The following SNRPC variants were observed in gnomAD, a reference collection of about 807,000 sequenced individuals.
The protein encoded by SNRPC is small nuclear ribonucleoprotein polypeptide C, also known as U1 small nuclear ribonucleoprotein C.
SNRPC carries 5 observed loss-of-function variants against 20.0 expected under a neutral mutation model. The observed-to-expected ratio is 0.25, with a 90% CI of 0.13 to 0.53. The LOEUF is 0.53. SNRPC is among the 20% of genes least tolerant of loss of function. The pLI, the probability that SNRPC is intolerant of heterozygous loss-of-function variation, is 0.96. For missense variants in SNRPC, 112 were observed against 224.1 expected, an observed-to-expected ratio of 0.50 and a Z score of 3.19; for synonymous variants, 61 against 58.7, an observed-to-expected ratio of 1.04 and a Z score of -0.18.
In SNRPC at chr6:34,767,901, T is replaced by TCATCA; in HGVS notation, c.161-6_161-5insATCAC. On this transcript the variant is annotated splice_polypyrimidine_tract_variant and splice_region_variant and intron_variant, in intron 3 of 5. Coordinates refer to ENST00000244520, the MANE Select transcript of SNRPC (RefSeq NM_003093.3). ...TTTTTTTTTTTTTTTTTCCTCACCC[T>TCATCA]CCAAAGCGGCTGCATTTCAACAAGG... The TCATCA allele has an allele frequency of 1.2e-5, 16 of 1,387,872 alleles. No individual in the cohort carries two copies. The highest frequency in any genetic ancestry group is 3.5e-5 in the African/African-American group (2 of 56,614). The allele number at this position is 1,387,872 out of a possible 1,614,324, so 86.0% of individuals were successfully genotyped here. A position where few individuals can be genotyped will look rare whatever the true frequency, so the allele number is the denominator to read the frequency against.
intron 2 of SNRPC, among the ~76,000 whole-genome samples, chr6:34,762,391 G>T (rs1764549589): frequency 6.6e-6 from 1 of 151,996 alleles, no homozygotes; most frequent in South Asian, 2.1e-4. Context: ...TGGCCAATGG[G>T]GCATAGTTTG....
chr6:34,764,201 C>T (rs1317154266), intron 3 of SNRPC, among the ~76,000 whole-genome samples: 8 of 151,372 alleles, frequency 5.3e-5, no homozygotes, highest in Non-Finnish European at 1.0e-4. Flanking sequence ...AAAAATTGGC[C>T]GGGCGTGGTG....
chr6:34,758,380 A>G (rs1281005299), intron 2 of SNRPC, among the ~76,000 whole-genome samples: 4 of 152,024 alleles, frequency 2.6e-5, no homozygotes, highest in Admixed American at 6.6e-5. Flanking sequence ...CAGTGGTGCA[A>G]TCTCGGCTCA....
At chr6:34,767,192 C>T (rs1043807171) in intron 3 of SNRPC, among the ~76,000 whole-genome samples, 2 of 152,174 alleles carry the variant, frequency 1.3e-5, no homozygotes, top group East Asian at 1.9e-4. Flanking sequence ...GGACAGCATA[C>T]ATAGGAAGGA....
chr6:34,762,044 G>A (rs1000041439), intron 2 of SNRPC, among the ~76,000 whole-genome samples: 2 of 152,072 alleles, frequency 1.3e-5, no homozygotes, highest in African/African-American at 4.8e-5. Context: ...GCTCACACCT[G>A]TAATCTCACA....
chr6:34,769,381 T>G (rs1249056717), intron 4 of SNRPC, among the ~76,000 whole-genome samples: 1 of 151,888 alleles, frequency 6.6e-6, no homozygotes, highest in Non-Finnish European at 1.5e-5. Flanking sequence ...TTAGTAGAGA[T>G]GGGGTTTTGC....
At chr6:34,764,280 A>C (rs1394380530) in intron 3 of SNRPC, among the ~76,000 whole-genome samples, 1 of 150,572 alleles carries the variant, frequency 6.6e-6, no homozygotes, top group Non-Finnish European at 1.5e-5. Context: ...AGGAGTTCGA[A>C]ACCAGCCTCA....
chr6:34,757,742 A>G (rs1764472785), intron 1 of SNRPC, 170 bp from the exon 2 acceptor site: 2 of 1,528,592 alleles, frequency 1.3e-6, no homozygotes, highest in Non-Finnish European at 1.8e-6. Context: ...GCTTAAGGCA[A>G]CAAAAAAAAG....
At position 34,763,005 on chromosome 6, in the gene SNRPC, A is replaced by G. The variant is rs553383131; in HGVS notation, c.160+302A>G. Among the ~76,000 whole-genome samples the G allele has an allele frequency of 3.3e-5, 5 of 152,324 alleles. No individual in the cohort carries two copies. The East Asian group carries it at 5.8e-4, about 18-fold the overall frequency. On this transcript the variant is annotated intron_variant, in intron 3 of 5. Transcript: ENST00000244520. The stretch of plus-strand genomic sequence containing the variant: ...ACGAGATTTTGTAGCAAATTTCTAT[A>G]AAGCCCCTTTGTAGTAATCCACAGG...
intron 4 of SNRPC, among the ~76,000 whole-genome samples, chr6:34,770,082 C>T (rs187971665): frequency 1.3e-5 from 2 of 152,268 alleles, no homozygotes; most frequent in African/African-American, 2.4e-5. Context: ...ATTAGCTGGG[C>T]GTGGTGGCAC....
At chr6:34,760,674 G>C (rs1196371743) in intron 2 of SNRPC, among the ~76,000 whole-genome samples, 1 of 151,960 alleles carries the variant, frequency 6.6e-6, no homozygotes, top group Non-Finnish European at 1.5e-5. Flanking sequence ...ATGAACCCTT[G>C]TTCCTTCTAA....
chr6:34,757,599 GC>G, intron 1 of SNRPC, 48 bp downstream of exon 1: 2 of 1,594,030 alleles, frequency 1.3e-6, no homozygotes, highest in Non-Finnish European at 1.7e-6. Flanking sequence ...ACTAGTTGTG[GC>G]CCCCATGCAG....
chr6:34,765,008 G>A (rs1023319645), intron 3 of SNRPC, among the ~76,000 whole-genome samples: 1 of 151,886 alleles, frequency 6.6e-6, no homozygotes, highest in Admixed American at 6.6e-5. Flanking sequence ...GCAACAGAGC[G>A]AGACTCTGTC....
intron 3 of SNRPC, among the ~76,000 whole-genome samples, chr6:34,766,561 T>C (rs1213456652): frequency 1.3e-5 from 2 of 152,186 alleles, no homozygotes; most frequent in African/African-American, 4.8e-5. Flanking sequence ...GTGGAGGACT[T>C]TTTGAGAATG....
chr6:34,772,450 TTC>T (rs1764703212), intron 5 of SNRPC, among the ~76,000 whole-genome samples: 1 of 152,226 alleles, frequency 6.6e-6, no homozygotes, highest in Admixed American at 6.5e-5. Context: ...GTTAGTAGTA[TTC>T]TCTGTTCCTG....
intron 5 of SNRPC, among the ~76,000 whole-genome samples, chr6:34,771,349 A>AAGG (rs1554122597): frequency 7.1e-6 from 1 of 140,880 alleles, no homozygotes; most frequent in African/African-American, 2.7e-5. Context: ...AAAAAAAAAA[A>AAGG]GTGTGTCTAA....
At chr6:34,765,953 CTGGTCTTGAACTCCTGGCCTCAAGCA>C (rs1764608196) in intron 3 of SNRPC, among the ~76,000 whole-genome samples, 1 of 151,822 alleles carries the variant, frequency 6.6e-6, no homozygotes, top group Non-Finnish European at 1.5e-5. Context: ...GTTGCCCAGG[CTGGTCTTGAACTCCTGGCCTCAAGCA>C]ATCCTCCTGC....
chr6:34,772,095 G>C (rs1428274626), intron 5 of SNRPC, among the ~76,000 whole-genome samples: 2 of 152,154 alleles, frequency 1.3e-5, no homozygotes, highest in Non-Finnish European at 2.9e-5. Flanking sequence ...AAATAATTGA[G>C]TAATTAGAGG....
At chr6:34,759,019 CAAAAAAAAAAA>C (rs755576537) in intron 2 of SNRPC, among the ~76,000 whole-genome samples, 2 of 24,644 alleles carry the variant, frequency 8.1e-5, no homozygotes, top group Non-Finnish European at 1.9e-4. Flanking sequence ...GACTCCGTCT[CAAAAAAAAAAA>C]AAAAAAAAAA....
Sources: gnomAD v4.1 joint callset for allele counts (sites outside exome capture counted in the v4.1 genomes callset) on GRCh38, gnomAD v4.1.1 for gene constraint, MANE v1.5 for transcripts, NCBI Gene and HGNC (gene_info 2026-07-23, HGNC 2026-07-21) for gene names.